PRKAR2B: variants seen among roughly 807,000 people sequenced by gnomAD.
The protein encoded by PRKAR2B is cAMP-dependent protein kinase type II-beta regulatory subunit.
In PRKAR2B, 14 loss-of-function variants were observed where a neutral mutation model predicts 49.9. That is an observed-to-expected ratio of 0.28 (90% CI 0.19 to 0.44). The LOEUF (loss-of-function observed/expected upper bound fraction) is 0.44. PRKAR2B is among the 20% of genes least tolerant of loss of function. PRKAR2B has a pLI of 1.00. For synonymous variants in PRKAR2B, 196 were observed against 197.7 expected (o/e 0.99, Z 0.07); for missense variants, 393 against 537.9 (o/e 0.73, Z 2.67).
chr7:107,120,906 A>G (rs2115582648), intron 2 of PRKAR2B, among the ~76,000 whole-genome samples: 1 of 151,864 alleles, frequency 6.6e-6, no homozygotes, highest in South Asian at 2.1e-4. Context: ...TCCTATAGAT[A>G]AGGACAAAGG....
chr7:107,076,735 A>G (rs1794405900), intron 2 of PRKAR2B, among the ~76,000 whole-genome samples: 1 of 152,170 alleles, frequency 6.6e-6, no homozygotes, highest in African/African-American at 2.4e-5. Context: ...GTATATTTTT[A>G]ACAGAACTAA....
intron 2 of PRKAR2B, among the ~76,000 whole-genome samples, chr7:107,112,565 C>G (rs1386272052): frequency 6.6e-6 from 1 of 151,438 alleles, no homozygotes; most frequent in Non-Finnish European, 1.5e-5. Flanking sequence ...AAATGTTTAC[C>G]AAATCTTATT....
intron 4 of PRKAR2B, among the ~76,000 whole-genome samples, chr7:107,139,369 T>C (rs762243951): frequency 2.0e-5 from 3 of 152,228 alleles, no homozygotes; most frequent in Non-Finnish European, 4.4e-5. Context: ...GTATCTGTTC[T>C]AGTTCTAATT....
At chr7:107,095,363 A>T (rs1361064760) in intron 2 of PRKAR2B, among the ~76,000 whole-genome samples, 2 of 152,168 alleles carry the variant, frequency 1.3e-5, no homozygotes, top group Non-Finnish European at 1.5e-5. Flanking sequence ...GTATCCTGAG[A>T]GTTTGCTGAA....
chr7:107,092,043 C>A (rs991915384), intron 2 of PRKAR2B, among the ~76,000 whole-genome samples: 5 of 151,970 alleles, frequency 3.3e-5, no homozygotes, highest in Non-Finnish European at 4.4e-5. Context: ...AATAAATTTC[C>A]AATTCAGCAA....
At chr7:107,096,564 G>A (rs1311853719) in intron 2 of PRKAR2B, among the ~76,000 whole-genome samples, 4 of 151,748 alleles carry the variant, frequency 2.6e-5, no homozygotes, top group Admixed American at 6.6e-5. Context: ...TTTTGAATGT[G>A]TTTGGTCTTG....
intron 2 of PRKAR2B, among the ~76,000 whole-genome samples, chr7:107,074,990 T>C (rs1448175709): frequency 6.6e-6 from 1 of 152,184 alleles, no homozygotes; most frequent in East Asian, 1.9e-4. Flanking sequence ...AATTTGTATG[T>C]AAGTTGTTTA....
intron 3 of PRKAR2B, among the ~76,000 whole-genome samples, chr7:107,127,589 T>C (rs938846726): frequency 2.0e-5 from 3 of 152,262 alleles, no homozygotes; most frequent in African/African-American, 7.2e-5. Context: ...TTGGACTCTT[T>C]TTCCCTGGAA....
chr7:107,161,088 GT>G lies in PRKAR2B; in HGVS notation c.*1508del, dbSNP rs1229630686. The G allele has an allele frequency of 6.6e-6, 1 of 152,138 alleles. No individual in the cohort carries two copies. Among genetic ancestry groups the G allele is most frequent in the East Asian group, 1.9e-4 (1 of 5,200 alleles). 9.4% of individuals were successfully genotyped at this position (152,138 alleles called of 1,614,324 possible). On this transcript the variant is annotated 3_prime_UTR_variant, in exon 11 of 11. Transcript: ENST00000265717. ...GGTCCCACTTGTATATGAAAATGTG[GT>G]TAGAATGTTAATTGGATAATGTATA...
intron 2 of PRKAR2B, among the ~76,000 whole-genome samples, chr7:107,104,881 A>G (rs192286442): frequency 1.3e-5 from 2 of 152,276 alleles, no homozygotes; most frequent in African/African-American, 4.8e-5. Flanking sequence ...GAGCTATTGG[A>G]GCTATTAGGA....
chr7:107,152,373 G>C (rs1028990659), intron 7 of PRKAR2B, among the ~76,000 whole-genome samples: 1 of 152,218 alleles, frequency 6.6e-6, no homozygotes. Context: ...ACCCACTTCG[G>C]GGTCTTTGTA....
chr7:107,047,172 A>G (rs1009723561), intron 1 of PRKAR2B, among the ~76,000 whole-genome samples: 1 of 152,238 alleles, frequency 6.6e-6, no homozygotes, highest in Admixed American at 6.5e-5. Flanking sequence ...GCAACCAAAT[A>G]CAATTTGATC....
chr7:107,105,664 CCT>C (rs1795058100), intron 2 of PRKAR2B, among the ~76,000 whole-genome samples: 1 of 152,026 alleles, frequency 6.6e-6, no homozygotes, highest in South Asian at 2.1e-4. Context: ...GCCTATCAGT[CCT>C]CTATTCTCTT....
At chr7:107,157,700 G>A (rs894460886) in intron 10 of PRKAR2B, among the ~76,000 whole-genome samples, 1 of 152,198 alleles carries the variant, frequency 6.6e-6, no homozygotes, top group African/African-American at 2.4e-5. Flanking sequence ...GGGGAATGCT[G>A]AGATGTTGTG....
chr7:107,058,672 T>C, intron 1 of PRKAR2B, among the ~76,000 whole-genome samples: 1 of 152,202 alleles, frequency 6.6e-6, no homozygotes, highest in Non-Finnish European at 1.5e-5. Context: ...TTGTAATTCC[T>C]TAAATGGAAT....
intron 1 of PRKAR2B, among the ~76,000 whole-genome samples, chr7:107,067,936 T>G (rs191910586): frequency 6.6e-6 from 1 of 152,276 alleles, no homozygotes; most frequent in East Asian, 1.9e-4. Context: ...TAAATGGACT[T>G]TTTTTTGCCA....
Position 107,068,245 on chromosome 7 carries a change from G to A in PRKAR2B, c.308-2036G>A, listed in dbSNP as rs1794191752. On this transcript the variant is annotated intron_variant, in intron 1 of 10. Coordinates refer to ENST00000265717, the MANE Select transcript of PRKAR2B (RefSeq NM_002736.3). Reference sequence around the variant, plus strand: ...TTTTAAACCAGGAGCTCATAGTCCTGTGGCTTCATCGTCTAAAGAGGCTGG... The same window carrying A: ...TTTTAAACCAGGAGCTCATAGTCCTATGGCTTCATCGTCTAAAGAGGCTGG... 2.6e-5 allele frequency among the ~76,000 whole-genome samples: 4 copies of A among 152,288 alleles called. No individual in the cohort carries two copies. The South Asian group carries it at 6.2e-4, about 24-fold the overall frequency.
chr7:107,047,268 A>G (rs188883506), intron 1 of PRKAR2B, among the ~76,000 whole-genome samples: 1 of 152,332 alleles, frequency 6.6e-6, no homozygotes, highest in African/African-American at 2.4e-5. Flanking sequence ...GTGCTTTTTG[A>G]TATTTCCTAT....
intron 2 of PRKAR2B, among the ~76,000 whole-genome samples, chr7:107,121,440 T>C (rs1346260085): frequency 6.6e-6 from 1 of 152,132 alleles, no homozygotes; most frequent in African/African-American, 2.4e-5. Context: ...AAAAAGTAGG[T>C]TTTTAAGTTG....
Sources: gnomAD v4.1 joint callset for allele counts (sites outside exome capture counted in the v4.1 genomes callset) on GRCh38, gnomAD v4.1.1 for gene constraint, MANE v1.5 for transcripts, NCBI Gene and HGNC (gene_info 2026-07-23, HGNC 2026-07-21) for gene names.